Variants in CYFIP1 observed in about 807,000 individuals in gnomAD.
CYFIP1 encodes cytoplasmic FMR1-interacting protein 1.
CYFIP1 carries 58 observed loss-of-function variants against 163.5 expected under a neutral mutation model. That is an observed-to-expected ratio of 0.35 (90% CI 0.29 to 0.44). The LOEUF (loss-of-function observed/expected upper bound fraction) is 0.44, where lower values mean the gene tolerates loss of function less well. Among genes scored for constraint, CYFIP1 ranks in the 20% least tolerant of loss-of-function variants. The pLI is 1.00. For synonymous variants in CYFIP1, 663 were observed against 660.7 expected (o/e 1.00, Z -0.05); for missense variants, 1,338 against 1,653.8 (o/e 0.81, Z 3.31).
Position 22,897,533 on chromosome 15 carries a change from G to GA in CYFIP1, c.2589-4557dup, listed in dbSNP as rs964330631. Among the ~76,000 whole-genome samples, 8 of 152,026 alleles carry GA rather than the reference G, an allele frequency of 5.3e-5. No homozygotes were observed. The East Asian group carries it at 1.5e-3, about 29-fold the overall frequency. ...AAGATAGTCTCTGTCACCCAGGCTG[G>GA]AGTGCAGTCGCGCATTCTTGGCTCA... On this transcript the variant is annotated intron_variant, in intron 22 of 30. Transcript: ENST00000617928.
intron 22 of CYFIP1, among the ~76,000 whole-genome samples, chr15:22,897,972 C>G (rs966761609): frequency 1.3e-5 from 2 of 152,142 alleles, no homozygotes; most frequent in Non-Finnish European, 2.9e-5. Context: ...ATATGCCACC[C>G]TGCAAATTCC....
rs776584856 is a variant in CYFIP1, at chr15:22,868,371, ATTC to A, written c.*1654_*1656del. ...ACATGCATAGGTTAATAAATAATAA[ATTC>A]TTATTTAACATTTTGTAGCACTTGA... is the stretch of plus-strand genomic sequence containing the variant. On this transcript the variant is annotated 3_prime_UTR_variant, in exon 31 of 31. Coordinates refer to ENST00000617928, the MANE Select transcript of CYFIP1 (RefSeq NM_014608.6). 8 of 147,542 alleles carry A rather than the reference ATTC, an allele frequency of 5.4e-5. No homozygotes were observed. Among genetic ancestry groups the A allele is most frequent in the Non-Finnish European group, 7.6e-5 (5 of 66,100 alleles). 9.1% of individuals were successfully genotyped at this position (147,542 alleles called of 1,614,324 possible).
intron 16 of CYFIP1, 70 bp from the exon 17 acceptor site, chr15:22,914,952 A>G: frequency 6.7e-7 from 1 of 1,502,300 alleles, no homozygotes; most frequent in Non-Finnish European, 9.0e-7. Context: ...AGATGACACA[A>G]GGGCTGTGTG....
Position 22,907,968 on chromosome 15 carries a change from G to A in CYFIP1, c.2388+1226C>T, listed in dbSNP as rs554661892. On this transcript the variant is annotated intron_variant, in intron 21 of 30. Transcript: ENST00000617928. The stretch of plus-strand genomic sequence containing the variant: ...ATCTCCTCTAACACTCCAGTTACAC[G>A]TTAGGTCTTTCCACTGTTTTCTACA... 2.6e-5 allele frequency among the ~76,000 whole-genome samples: 4 copies of A among 152,284 alleles called. No homozygotes were observed. The East Asian group carries it at 7.7e-4, about 29-fold the overall frequency.
At chr15:22,885,485 CA>C (rs1264331646) in intron 23 of CYFIP1, among the ~76,000 whole-genome samples, 2 of 152,196 alleles carry the variant, frequency 1.3e-5, no homozygotes, top group Non-Finnish European at 2.9e-5. Context: ...GTAATCCTAG[CA>C]CGTTGGGAGG....
At chr15:22,979,520 C>T (rs1362413192) in intron 1 of CYFIP1, among the ~76,000 whole-genome samples, 3 of 152,202 alleles carry the variant, frequency 2.0e-5, no homozygotes, top group Non-Finnish European at 2.9e-5. Flanking sequence ...TCAGCAGCCG[C>T]TCCCTGACTG....
intron 22 of CYFIP1, among the ~76,000 whole-genome samples, chr15:22,893,204 G>T (rs2060127240): frequency 6.6e-6 from 1 of 152,114 alleles, no homozygotes; most frequent in Admixed American, 6.6e-5. Flanking sequence ...GAACACCCGG[G>T]GTCTGGTCTG....
At chr15:22,939,912 C>T (rs538220476) in intron 6 of CYFIP1, among the ~76,000 whole-genome samples, 4 of 152,306 alleles carry the variant, frequency 2.6e-5, no homozygotes, top group South Asian at 2.1e-4. Context: ...GCCATGAAGC[C>T]GGCCAGCACT....
chr15:22,906,146 G>A (rs1487740872), intron 21 of CYFIP1, among the ~76,000 whole-genome samples: 1 of 148,378 alleles, frequency 6.7e-6, no homozygotes, highest in African/African-American at 2.5e-5. Context: ...TTGCTCTGTT[G>A]CCTAGGCTGG....
chr15:22,922,674 T>A (rs2061224700), intron 13 of CYFIP1, among the ~76,000 whole-genome samples: 1 of 152,186 alleles, frequency 6.6e-6, no homozygotes, highest in Admixed American at 6.5e-5. Context: ...AAATTAGGTT[T>A]AAGTTAGGAG....
At chr15:22,904,853 G>A (rs2060516868) in intron 21 of CYFIP1, 1 of 152,180 alleles carries the variant, frequency 6.6e-6, no homozygotes. Flanking sequence ...GCCCTGCTCT[G>A]AAGTGCAGAG....
chr15:22,917,336 C>A lies in CYFIP1; in HGVS notation c.1674+452G>T. 7.7e-7 allele frequency: 1 copy of A among 1,290,898 alleles called. No homozygotes were observed. Among genetic ancestry groups the A allele is most frequent in the Non-Finnish European group, 9.8e-7 (1 of 1,017,298 alleles). The allele number at this position is 1,290,898 out of a possible 1,614,324, so 80.0% of individuals were successfully genotyped here. ...CGGGTGTGAAAGTCGTGAGAAGCAC[C>A]TCGGGGAGGCCTGAACACACCAGGA... On this transcript the variant is annotated intron_variant, in intron 15 of 30. Transcript: ENST00000617928. The surrounding 1 kb of genome is among the most constrained non-coding windows in gnomAD (Gnocchi z 4.2).
chr15:22,938,733 T>G (rs1595659600), intron 8 of CYFIP1, among the ~76,000 whole-genome samples: 1 of 151,586 alleles, frequency 6.6e-6, no homozygotes. Flanking sequence ...CAAGATTCTC[T>G]CTCTACAAAA....
At chr15:22,884,424 G>T (rs2059873725) in intron 23 of CYFIP1, among the ~76,000 whole-genome samples, 1 of 152,190 alleles carries the variant, frequency 6.6e-6, no homozygotes, top group Non-Finnish European at 1.5e-5. Context: ...AAAGTCCAGT[G>T]GGGCAGTCAT....
chr15:22,873,855 A>T, intron 28 of CYFIP1, 126 bp from the exon 29 acceptor site: 1 of 827,940 alleles, frequency 1.2e-6, no homozygotes, highest in Non-Finnish European at 2.0e-6. Flanking sequence ...GCAGTGGCAC[A>T]ATCACAGCTC....
chr15:22,916,905 T>C, intron 15 of CYFIP1: 1 of 1,551,652 alleles, frequency 6.4e-7, no homozygotes, highest in Middle Eastern at 1.7e-4. Context: ...AAGGGGTAGG[T>C]AGGTGCACGA....
chr15:22,934,300 C>A lies in CYFIP1; in HGVS notation c.901-407G>T, dbSNP rs991995141. Among the ~76,000 whole-genome samples the A allele has an allele frequency of 1.5e-4, 22 of 145,290 alleles. No homozygotes were observed. The East Asian group carries it at 2.9e-3, about 19-fold the overall frequency. ...CTCCCAGGTTCACATCATTCTCCTG[C>A]CTCAGGCTCCCGAGTAGCTGGGACT... On this transcript the variant is annotated intron_variant, in intron 9 of 30. Coordinates refer to ENST00000617928, the MANE Select transcript of CYFIP1 (RefSeq NM_014608.6).
At chr15:22,943,747 T>C (rs2061967492) in intron 5 of CYFIP1, among the ~76,000 whole-genome samples, 1 of 152,136 alleles carries the variant, frequency 6.6e-6, no homozygotes, top group African/African-American at 2.4e-5. Flanking sequence ...CATCTCCCAG[T>C]TAGTTCCATC....
intron 5 of CYFIP1, among the ~76,000 whole-genome samples, chr15:22,944,152 T>C (rs760395762): frequency 7.8e-4 from 116 of 148,196 alleles, no homozygotes; most frequent in Non-Finnish European, 1.3e-3. Context: ...GGCAGGAGAA[T>C]CGCTTGAACC....
Sources: gnomAD v4.1 joint callset for allele counts (sites outside exome capture counted in the v4.1 genomes callset) on GRCh38, gnomAD v4.1.1 for gene constraint, Gnocchi (gnomAD v3.1) non-coding constraint, MANE v1.5 for transcripts, NCBI Gene and HGNC (gene_info 2026-07-23, HGNC 2026-07-21) for gene names.